Variants in TENM2 observed in about 807,000 individuals in gnomAD.
TENM2 encodes teneurin transmembrane protein 2.
In TENM2, 52 loss-of-function variants were observed where a neutral mutation model predicts 245.2. That is an observed-to-expected ratio of 0.21 (90% CI 0.17 to 0.27). The LOEUF is 0.27. Ranked by LOEUF, TENM2 falls within the 10% of genes least tolerant of loss-of-function variation. The probability of loss-of-function intolerance (pLI) is 1.00; values close to 1 mark genes in which losing one functional copy is unlikely to be tolerated. For synonymous variants in TENM2, 1,363 were observed against 1,438.9 expected (o/e 0.95, Z 1.19); for missense variants, 3,046 against 3,666.8 (o/e 0.83, Z 4.37).
chr5:167,488,992 T>C (rs1378687808), intron 2 of TENM2, among the ~76,000 whole-genome samples: 1 of 152,190 alleles, frequency 6.6e-6, no homozygotes, highest in African/African-American at 2.4e-5. Flanking sequence ...TCCGTTATTA[T>C]GTTTTAGAAA....
At chr5:168,261,788 A>AT (rs1768210296) in intron 28 of TENM2, among the ~76,000 whole-genome samples, 1 of 152,202 alleles carries the variant, frequency 6.6e-6, no homozygotes, top group South Asian at 2.1e-4. Flanking sequence ...CTCCTTTACC[A>AT]TTTTTTTAGT....
chr5:167,163,176 C>T, the TENM2 span, among the ~76,000 whole-genome samples: 12 of 152,140 alleles, frequency 7.9e-5, no homozygotes, highest in Admixed American at 5.9e-4. Context: ...AATTATAACC[C>T]GCTGCAGCCT....
chr5:167,401,083 C>A (rs1234757351), intron 2 of TENM2, among the ~76,000 whole-genome samples: 2 of 151,962 alleles, frequency 1.3e-5, no homozygotes, highest in Non-Finnish European at 2.9e-5. Flanking sequence ...CAGAGTGACA[C>A]TCTGTCTCTT....
chr5:167,770,516 G>T (rs1461667135), intron 2 of TENM2, among the ~76,000 whole-genome samples: 1 of 152,176 alleles, frequency 6.6e-6, no homozygotes, highest in South Asian at 2.1e-4. Context: ...GTTTTCCAAT[G>T]TTTAAGCAAA....
intron 2 of TENM2, among the ~76,000 whole-genome samples, chr5:167,618,048 C>A (rs1367227933): frequency 6.6e-6 from 1 of 152,066 alleles, no homozygotes; most frequent in Non-Finnish European, 1.5e-5. Context: ...TGAAGTGATA[C>A]CTAATTTCGG....
chr5:167,821,141 T>A (rs1330454363), intron 2 of TENM2: 1 of 152,210 alleles, frequency 6.6e-6, no homozygotes, highest in Non-Finnish European at 1.5e-5. Flanking sequence ...TATACTCTGG[T>A]GGTTTAGAAA....
chr5:168,116,509 C>T (rs529472893), intron 9 of TENM2, among the ~76,000 whole-genome samples: 1 of 152,250 alleles, frequency 6.6e-6, no homozygotes, highest in East Asian at 1.9e-4. Flanking sequence ...CTGTTCTTCC[C>T]ACGTCTTTCA....
chr5:167,701,807 G>A (rs1168582797), intron 2 of TENM2, among the ~76,000 whole-genome samples: 1 of 152,142 alleles, frequency 6.6e-6, no homozygotes, highest in Non-Finnish European at 1.5e-5. Context: ...TGCTGTATAA[G>A]TATTTTGTTA....
At chr5:167,143,073 C>G in the TENM2 span, among the ~76,000 whole-genome samples, 5,989 of 152,262 alleles carry the variant, frequency 0.039, 410 homozygotes, top group African/African-American at 0.14. Flanking sequence ...CCCACACTGT[C>G]CATTTGCTTG....
chr5:167,051,770 G>T, the TENM2 span, among the ~76,000 whole-genome samples: 74 of 152,150 alleles, frequency 4.9e-4, 2 homozygotes, highest in South Asian at 0.015. Context: ...ATTCAAGTAG[G>T]ATATTCTCAA....
chr5:167,298,459 C>A (rs866786843), intron 1 of TENM2, among the ~76,000 whole-genome samples: 9 of 152,184 alleles, frequency 5.9e-5, no homozygotes, highest in Middle Eastern at 3.4e-3. Flanking sequence ...AAAAATTAGC[C>A]GGGCGAGGTG....
chr5:168,111,637 CT>C (rs1455800481), intron 9 of TENM2, among the ~76,000 whole-genome samples: 4 of 152,078 alleles, frequency 2.6e-5, no homozygotes, highest in African/African-American at 4.8e-5. Context: ...AGACTTCCTG[CT>C]TGGGCACGGT....
intron 4 of TENM2, among the ~76,000 whole-genome samples, chr5:167,990,266 G>A (rs1783566774): frequency 6.6e-6 from 1 of 152,168 alleles, no homozygotes; most frequent in South Asian, 2.1e-4. Context: ...GAACTCTTCA[G>A]GTGTTTGTTC....
At chr5:167,613,702 A>T (rs1777612092) in intron 2 of TENM2, among the ~76,000 whole-genome samples, 1 of 152,148 alleles carries the variant, frequency 6.6e-6, no homozygotes, top group Admixed American at 6.6e-5. Flanking sequence ...GTTGGTTTTT[A>T]AAACATATAC....
chr5:168,207,972 T>A (rs1562282260), intron 19 of TENM2, among the ~76,000 whole-genome samples: 1 of 152,224 alleles, frequency 6.6e-6, no homozygotes, highest in South Asian at 2.1e-4. Context: ...TCCATACTCC[T>A]GTCCCATAGA....
At chr5:168,108,673 T>C (rs888764176) in intron 9 of TENM2, among the ~76,000 whole-genome samples, 1 of 152,184 alleles carries the variant, frequency 6.6e-6, no homozygotes, top group African/African-American at 2.4e-5. Flanking sequence ...CTGAAGCTTG[T>C]GGCCCTGATA....
chr5:167,366,345 A>G (rs1198146841), intron 1 of TENM2, among the ~76,000 whole-genome samples: 1 of 152,148 alleles, frequency 6.6e-6, no homozygotes, highest in African/African-American at 2.4e-5. Context: ...GACAAAATAG[A>G]AAATAGTAAT....
At chr5:167,505,785 G>A (rs907805773) in intron 2 of TENM2, among the ~76,000 whole-genome samples, 1 of 152,168 alleles carries the variant, frequency 6.6e-6, no homozygotes, top group African/African-American at 2.4e-5. Flanking sequence ...ATAATTACTA[G>A]TGTGACATTG....
chr5:167,309,040 G>C (rs933633485), intron 1 of TENM2, among the ~76,000 whole-genome samples: 3 of 121,046 alleles, frequency 2.5e-5, no homozygotes, highest in African/African-American at 9.5e-5. Context: ...TCTATATTGT[G>C]TGTGTTTGGT....
Sources: gnomAD v4.1 joint callset for allele counts (sites outside exome capture counted in the v4.1 genomes callset) on GRCh38, gnomAD v4.1.1 for gene constraint, MANE v1.5 for transcripts, NCBI Gene and HGNC (gene_info 2026-07-23, HGNC 2026-07-21) for gene names.